COPG2: variants seen among roughly 807,000 people sequenced by gnomAD.
COPG2 encodes coat protein complex I subunit gamma 2.
COPG2 carries 37 observed loss-of-function variants against 46.3 expected under a neutral mutation model. That is an observed-to-expected ratio of 0.80 (90% CI 0.61 to 1.05). The LOEUF (loss-of-function observed/expected upper bound fraction) is 1.05. Ranked by LOEUF, COPG2 falls within the 50% of genes least tolerant of loss-of-function variation. COPG2 has a pLI of 0.00. For synonymous variants in COPG2, 159 were observed against 129.7 expected (o/e 1.23, Z -1.53); for missense variants, 427 against 387.8 (o/e 1.10, Z -0.85).
intron 9 of COPG2, among the ~76,000 whole-genome samples, chr7:130,587,622 C>A (rs546333973): frequency 1.3e-5 from 2 of 152,182 alleles, no homozygotes; most frequent in East Asian, 1.9e-4. Context: ...CCCTTCCTTG[C>A]ACCTTATACA....
chr7:130,536,881 G>C (rs1799885555), intron 20 of COPG2, among the ~76,000 whole-genome samples: 1 of 152,146 alleles, frequency 6.6e-6, no homozygotes, highest in East Asian at 1.9e-4. Context: ...GTGCGGGTGA[G>C]AGCAGAGAGC....
chr7:130,628,202 T>C (rs1795151782), intron 5 of COPG2, among the ~76,000 whole-genome samples: 1 of 152,170 alleles, frequency 6.6e-6, no homozygotes, highest in Non-Finnish European at 1.5e-5. Flanking sequence ...GCTAGTTTTA[T>C]ATTTGTTCCA....
chr7:130,585,927 A>G (rs1262693031), intron 9 of COPG2, among the ~76,000 whole-genome samples: 3 of 152,134 alleles, frequency 2.0e-5, no homozygotes, highest in African/African-American at 7.2e-5. Flanking sequence ...TTAAAGAACT[A>G]AAAGTAGAAC....
At position 130,662,954 on chromosome 7, in the gene COPG2, TA is replaced by T; in HGVS notation, c.243+12del. 1 of 1,512,010 alleles carries T rather than the reference TA, an allele frequency of 6.6e-7. No homozygotes were observed. The highest frequency in any genetic ancestry group is 9.0e-7 in the Non-Finnish European group (1 of 1,116,848). 93.7% of individuals were successfully genotyped at this position (1,512,010 alleles called of 1,614,324 possible). ...GAGGTTTTTCATCGTAAAAAAAATTTAAAAAGACTTACATCATTAGATTGAA... is the reference window on the plus strand; with the variant it reads ...GAGGTTTTTCATCGTAAAAAAAATTTAAAAGACTTACATCATTAGATTGAA... On this transcript the variant is annotated intron_variant, in intron 4 of 23. Transcript: ENST00000425248.
chr7:130,624,651 T>C (rs887230010), intron 5 of COPG2, among the ~76,000 whole-genome samples: 4 of 152,206 alleles, frequency 2.6e-5, no homozygotes, highest in Non-Finnish European at 5.9e-5. Context: ...CTCCCACCTG[T>C]AAGTTAAACA....
intron 9 of COPG2, among the ~76,000 whole-genome samples, chr7:130,592,830 T>TA (rs1396838592): frequency 1.3e-5 from 2 of 152,254 alleles, no homozygotes; most frequent in Non-Finnish European, 2.9e-5. Flanking sequence ...AAATTGGGCT[T>TA]ACACCAAAAC....
intron 5 of COPG2, among the ~76,000 whole-genome samples, chr7:130,644,101 G>C (rs1386246710): frequency 6.6e-6 from 1 of 152,062 alleles, no homozygotes; most frequent in Non-Finnish European, 1.5e-5. Context: ...ATTAGAGAAT[G>C]AATCCCTAAA....
intron 21 of COPG2, 127 bp from the exon 22 acceptor site, chr7:130,507,950 A>G: frequency 1.5e-6 from 1 of 654,882 alleles, no homozygotes; most frequent in Admixed American, 2.6e-5. Flanking sequence ...TAAGTTCTGT[A>G]GTCTGGATAA....
In COPG2 at chr7:130,659,354, C is replaced by CAAA. The variant is rs59413856; in HGVS notation, c.243+3610_243+3612dup. Among the ~76,000 whole-genome samples the CAAA allele has an allele frequency of 6.1e-4, 40 of 65,478 alleles. 7 individuals are homozygous for CAAA. Among genetic ancestry groups the CAAA allele is most frequent in the Non-Finnish European group, 1.0e-3 (36 of 35,720 alleles). 43.0% of individuals were successfully genotyped at this position (65,478 alleles called of 152,430 possible). A position where few individuals can be genotyped will look rare whatever the true frequency, so the allele number is the denominator to read the frequency against. ...TGGGCGACAGAGCAAGACTCCGTCT[C>CAAA]AAAAAAAAAAAAAACGAACAAACAA... On this transcript the variant is annotated intron_variant, in intron 4 of 23. Coordinates refer to ENST00000425248, the MANE Select transcript of COPG2 (RefSeq NM_012133.6).
chr7:130,544,576 G>A (rs1422504801), intron 20 of COPG2, among the ~76,000 whole-genome samples: 1 of 152,056 alleles, frequency 6.6e-6, no homozygotes, highest in African/African-American at 2.4e-5. Flanking sequence ...GCAATATAAA[G>A]ATTAGAATGG....
intron 9 of COPG2, among the ~76,000 whole-genome samples, chr7:130,578,021 C>G (rs1425256783): frequency 6.6e-6 from 1 of 152,262 alleles, no homozygotes; most frequent in African/African-American, 2.4e-5. Flanking sequence ...CTGCCTGCCT[C>G]TGTAGGCTCC....
At chr7:130,520,243 G>GTTA (rs1799713412) in intron 20 of COPG2, among the ~76,000 whole-genome samples, 1 of 152,156 alleles carries the variant, frequency 6.6e-6, no homozygotes, top group Non-Finnish European at 1.5e-5. Flanking sequence ...CAGTAAGTAT[G>GTTA]ATGTTAAATT....
intron 6 of COPG2, among the ~76,000 whole-genome samples, chr7:130,615,625 A>G (rs370839645): frequency 1.0e-3 from 158 of 152,368 alleles, no homozygotes; most frequent in African/African-American, 3.5e-3. Flanking sequence ...AGTTTTATCT[A>G]TCATCTCTGA....
chr7:130,507,877 G>C, intron 21 of COPG2, 54 bp from the exon 22 acceptor site: 4 of 765,598 alleles, frequency 5.2e-6, no homozygotes. Flanking sequence ...ATAGGGCAAA[G>C]ATAAAGGAAC....
chr7:130,573,004 C>T (rs1335378274), intron 9 of COPG2, among the ~76,000 whole-genome samples: 1 of 151,616 alleles, frequency 6.6e-6, no homozygotes, highest in Non-Finnish European at 1.5e-5. Flanking sequence ...ATTACCAAAA[C>T]CAGGGATGAA....
At chr7:130,587,894 T>C (rs1794306541) in intron 9 of COPG2, among the ~76,000 whole-genome samples, 1 of 152,132 alleles carries the variant, frequency 6.6e-6, no homozygotes, top group East Asian at 1.9e-4. Context: ...AACCTACTCA[T>C]CTGACAAAGG....
At chr7:130,600,260 TTTTA>T (rs1177593788) in intron 9 of COPG2, among the ~76,000 whole-genome samples, 2 of 152,136 alleles carry the variant, frequency 1.3e-5, no homozygotes, top group Admixed American at 6.5e-5. Context: ...ATTTTGTCAT[TTTTA>T]TTTATTTATT....
At chr7:130,525,261 T>A (rs1005056824) in intron 20 of COPG2, among the ~76,000 whole-genome samples, 127 of 151,734 alleles carry the variant, frequency 8.4e-4, no homozygotes, top group African/African-American at 2.7e-3. Flanking sequence ...GTGAGGGGAA[T>A]GCAGAGTTCT....
chr7:130,533,109 G>A (rs1799844889), intron 20 of COPG2, among the ~76,000 whole-genome samples: 1 of 152,130 alleles, frequency 6.6e-6, no homozygotes. Flanking sequence ...AGTTGGAGCA[G>A]GTTATGGAGC....
Sources: allele counts gnomAD v4.1 joint callset (sites outside exome capture counted in the v4.1 genomes callset), GRCh38; gene constraint gnomAD v4.1.1; transcripts MANE v1.5; gene names NCBI Gene and HGNC (gene_info 2026-07-23, HGNC 2026-07-21).